LAMB1: variants seen among roughly 807,000 people sequenced by gnomAD.
LAMB1 encodes the protein laminin subunit beta-1.
Under a neutral mutation model 222.3 loss-of-function variants are expected in LAMB1, and 121 were observed. The ratio of observed to expected loss-of-function variants is 0.54; its 90% confidence interval spans 0.47 to 0.63. LAMB1 has a LOEUF of 0.63. LAMB1 is among the 30% of genes least tolerant of loss of function. The pLI is 0.00. For synonymous variants in LAMB1, 794 were observed against 807.2 expected, an observed-to-expected ratio of 0.98 and a Z score of 0.28; for missense variants, 2,172 against 2,240.8, an observed-to-expected ratio of 0.97 and a Z score of 0.62.
At chr7:107,957,562 A>G (rs1398111134) in intron 20 of LAMB1, among the ~76,000 whole-genome samples, 1 of 152,206 alleles carries the variant, frequency 6.6e-6, no homozygotes, top group African/African-American at 2.4e-5. Context: ...AAAATTTTCT[A>G]GAAGCTGGAT....
chr7:107,955,739 CA>C, intron 20 of LAMB1, 109 bp from the exon 21 acceptor site: 2 of 985,448 alleles, frequency 2.0e-6, no homozygotes, highest in Non-Finnish European at 2.8e-6. Flanking sequence ...CTCCACTCCT[CA>C]TGTTTTCTTT....
chr7:107,975,919 A>C, intron 9 of LAMB1, 42 bp from the exon 10 acceptor site: 1 of 1,546,938 alleles, frequency 6.5e-7, no homozygotes, highest in South Asian at 1.2e-5. Flanking sequence ...TTTTAAATCT[A>C]TGGACCAATG....
rs111956060 is a variant in LAMB1, at chr7:107,972,402, G to T, written c.1562+590C>A. On this transcript the variant is annotated intron_variant, in intron 13 of 33. Transcript: ENST00000222399. ...TTCCAGATGTTCTGACTCTGAGCCA[G>T]GAACAGAGACCAACATTCTCTTTGA... is the stretch of plus-strand genomic sequence containing the variant. Among the ~76,000 whole-genome samples, 382 of 152,262 alleles carry T rather than the reference G, an allele frequency of 2.5e-3. 1 individual carries two copies. Among genetic ancestry groups the T allele is most frequent in the Admixed American group, 4.8e-3 (73 of 15,294 alleles).
intron 24 of LAMB1, among the ~76,000 whole-genome samples, chr7:107,944,747 TC>T (rs1240952052): frequency 5.3e-5 from 8 of 152,126 alleles, no homozygotes; most frequent in African/African-American, 1.7e-4. Flanking sequence ...ACTCCCACAC[TC>T]ACGTGGCTGA....
chr7:107,935,347 G>GCTT, intron 27 of LAMB1, 68 bp downstream of exon 27: 3 of 1,171,424 alleles, frequency 2.6e-6, no homozygotes, highest in Non-Finnish European at 3.4e-6. Context: ...GTTTTTCTTT[G>GCTT]TTTTTTTTTT....
chr7:107,940,167 T>C lies in LAMB1; in HGVS notation c.3583A>G (p.Asn1195Asp). ...LWDVIIAELT[N>D]RTHRFLEKAK... ...TTCTCCAGGAATCTGTGTGTCCTGT[T>C]GGTCAGCTCGGCAATGATCACATCC... The change falls in exon 25 of 34, where the codon AAC becomes GAC. Residue 1195 changes from asparagine (N) to aspartate (D), a missense_variant. By Grantham distance (23) the Asn-to-Asp change is conservative. Coordinates refer to ENST00000222399, the MANE Select transcript of LAMB1 (RefSeq NM_002291.3). 6.2e-7 allele frequency: 1 copy of C among 1,614,130 alleles called. No individual in the cohort carries two copies. The highest frequency in any genetic ancestry group is 8.5e-7 in the Non-Finnish European group (1 of 1,180,028).
At chr7:107,998,843 ATTAGAGAATT>A (rs750007351) in intron 3 of LAMB1, among the ~76,000 whole-genome samples, 1 of 152,254 alleles carries the variant, frequency 6.6e-6, no homozygotes, top group African/African-American at 2.4e-5. Flanking sequence ...CAGAGGAGAT[ATTAGAGAATT>A]TTTGCTGACA....
chr7:107,925,656 T>G (rs530227590), intron 32 of LAMB1, among the ~76,000 whole-genome samples: 14 of 152,286 alleles, frequency 9.2e-5, no homozygotes, highest in Admixed American at 8.5e-4. Context: ...GATTAAACAT[T>G]TGGGTTGTGT....
At chr7:107,944,684 A>G (rs1392858198) in intron 24 of LAMB1, among the ~76,000 whole-genome samples, 2 of 149,904 alleles carry the variant, frequency 1.3e-5, no homozygotes, top group Non-Finnish European at 3.0e-5. Context: ...GAAGGCCCAC[A>G]TTTTACAACC....
At chr7:107,949,110 A>G (rs967698137) in intron 24 of LAMB1, among the ~76,000 whole-genome samples, 2 of 152,232 alleles carry the variant, frequency 1.3e-5, no homozygotes, top group African/African-American at 4.8e-5. Context: ...GCGAACAATG[A>G]TGCCATGAAT....
intron 13 of LAMB1, among the ~76,000 whole-genome samples, chr7:107,967,914 T>C (rs2033666420): frequency 6.6e-6 from 1 of 152,080 alleles, no homozygotes; most frequent in Non-Finnish European, 1.5e-5. Flanking sequence ...ATATGATTCA[T>C]CTGATTGAGA....
intron 13 of LAMB1, 94 bp downstream of exon 13, chr7:107,972,898 G>A (rs535688589): frequency 1.0e-5 from 10 of 982,366 alleles, no homozygotes; most frequent in African/African-American, 4.8e-5. Flanking sequence ...TATTTTGCAT[G>A]TCTTTTTGAG....
intron 27 of LAMB1, among the ~76,000 whole-genome samples, chr7:107,935,125 A>C (rs1056010187): frequency 6.6e-6 from 1 of 152,008 alleles, no homozygotes; most frequent in African/African-American, 2.4e-5. Flanking sequence ...GTCACTGAGT[A>C]GCTAAAACAG....
chr7:107,935,930 T>A (rs2032836735), intron 26 of LAMB1, among the ~76,000 whole-genome samples: 1 of 152,214 alleles, frequency 6.6e-6, no homozygotes, highest in South Asian at 2.1e-4. Flanking sequence ...AACATCCAGT[T>A]CTTTATAAAT....
intron 14 of LAMB1, 152 bp from the exon 15 acceptor site, chr7:107,963,215 A>C: frequency 1.4e-6 from 1 of 718,158 alleles, no homozygotes; most frequent in Non-Finnish European, 2.2e-6. Context: ...ATAGATTGTA[A>C]AAAGTTTCTG....
intron 22 of LAMB1, 127 bp downstream of exon 22, chr7:107,953,403 T>C (rs2033301923): frequency 5.3e-6 from 4 of 748,738 alleles, no homozygotes; most frequent in Non-Finnish European, 8.7e-6. Context: ...TAGTTGAAAG[T>C]GAAATTTTAC....
intron 12 of LAMB1, among the ~76,000 whole-genome samples, chr7:107,973,315 A>G (rs2033786795): frequency 1.3e-5 from 2 of 152,224 alleles, no homozygotes; most frequent in African/African-American, 4.8e-5. Flanking sequence ...GCTCTGCCCT[A>G]TAGATAACCT....
intron 5 of LAMB1, among the ~76,000 whole-genome samples, chr7:107,993,939 T>C (rs79047086): frequency 0.036 from 5,490 of 152,164 alleles, 331 homozygotes; most frequent in African/African-American, 0.13. Flanking sequence ...TCCCTCCTAG[T>C]TGCATTCTGA....
rs1341811028 is a variant in LAMB1, at chr7:107,940,102, G to T, written c.3648C>A (p.Tyr1216Ter). 1 of 1,614,116 alleles carries T rather than the reference G, an allele frequency of 6.2e-7. No homozygotes were observed. Among genetic ancestry groups the T allele is most frequent in the Non-Finnish European group, 8.5e-7 (1 of 1,180,030 alleles). ...TCTCCACCGAGTCCACAGTCTCACG[G>T]TAAGGCCCGATCACACCACTGATCT... ...ALKISGVIGP[Y>*]RETVDSVERK... Residue 1216 changes from tyrosine (Y) to a stop codon, truncating the protein, a stop_gained, in exon 25 of 34, where the codon TAC (tyrosine) becomes TAA (stop). Transcript: ENST00000222399. LOFTEE classifies it high-confidence loss of function.
Sources: gnomAD v4.1 joint callset for allele counts (sites outside exome capture counted in the v4.1 genomes callset) on GRCh38, gnomAD v4.1.1 for gene constraint, MANE v1.5 for transcripts, NCBI Gene and HGNC (gene_info 2026-07-23, HGNC 2026-07-21) for gene names.